Variants in CCDC40 observed in about 807,000 individuals in gnomAD.
CCDC40 encodes coiled-coil domain 40 molecular ruler complex subunit, also known as coiled-coil domain-containing protein 40.
CCDC40 carries 104 observed loss-of-function variants against 124.5 expected under a neutral mutation model. That is an observed-to-expected ratio of 0.84 (90% CI 0.71 to 0.98). The LOEUF (loss-of-function observed/expected upper bound fraction) is 0.98. Among genes scored for constraint, CCDC40 ranks in the 50% least tolerant of loss-of-function variants. The pLI, the probability that CCDC40 is intolerant of heterozygous loss-of-function variation, is 0.00. For missense variants in CCDC40, 1,463 were observed against 1,503.9 expected (o/e 0.97, Z 0.45); for synonymous variants, 580 against 602.9 (o/e 0.96, Z 0.56).
intron 9 of CCDC40, among the ~76,000 whole-genome samples, chr17:80,061,804 A>T: frequency 6.6e-6 from 1 of 152,014 alleles, no homozygotes; most frequent in Middle Eastern, 3.2e-3. Flanking sequence ...ATTGGCCTTT[A>T]TCTTTATCAA....
At chr17:80,051,182 A>G (rs1410706452) in intron 7 of CCDC40, 1 of 203,312 alleles carries the variant, frequency 4.9e-6, no homozygotes, top group African/African-American at 2.4e-5. Flanking sequence ...TCAACTGTGT[A>G]TTACTCTTAT....
Position 80,058,952 on chromosome 17 carries a change from C to T in CCDC40, c.1412C>T (p.Thr471Ile), listed in dbSNP as rs1274185511. 2.5e-6 allele frequency: 4 copies of T among 1,614,090 alleles called. No individual in the cohort carries two copies. In the East Asian group the frequency reaches 6.7e-5, roughly 27 times the overall value. ...CAGTACTTGGCCCAAGCTGAGGACA[C>T]CCGGATTTTAAGGAAAGCAGTGAGT... ...EAQYLAQAED[T>I]RILRKAVSEA... is the part of the protein sequence containing the mutation. Residue 471 changes from threonine (T) to isoleucine (I), a missense_variant, in exon 9 of 20, where the codon ACC becomes ATC. Coordinates refer to ENST00000397545, the MANE Select transcript of CCDC40 (RefSeq NM_017950.4). This position sits in a 1 kb window ranked among gnomAD's most constrained non-coding sequence, Gnocchi z 4.2.
chr17:80,074,459 T>C (rs545289598), intron 10 of CCDC40, among the ~76,000 whole-genome samples: 2 of 152,284 alleles, frequency 1.3e-5, no homozygotes, highest in South Asian at 4.1e-4. Context: ...CACTCCAGCC[T>C]GGGCAACAGA....
intron 18 of CCDC40, among the ~76,000 whole-genome samples, chr17:80,096,288 G>A (rs1419298900): frequency 6.6e-6 from 1 of 152,212 alleles, no homozygotes; most frequent in Non-Finnish European, 1.5e-5. Flanking sequence ...TTACTGACCT[G>A]TGAAATGGGT....
chr17:80,045,965 C>T (rs2037411304), intron 3 of CCDC40, among the ~76,000 whole-genome samples: 1 of 152,098 alleles, frequency 6.6e-6, no homozygotes, highest in South Asian at 2.1e-4. Context: ...ATTATGTAAT[C>T]CTCCTCATTT....
At position 80,099,684 on chromosome 17, in the gene CCDC40, G is replaced by T. The variant is rs368814379; in HGVS notation, c.3338G>T (p.Arg1113Leu). Residue 1113 changes from arginine to leucine, a missense_variant, in exon 20 of 20, where the codon CGC becomes CTC. Physicochemically the swap from Arg to Leu is moderately radical, Grantham distance 102. Coordinates refer to ENST00000397545, the MANE Select transcript of CCDC40 (RefSeq NM_017950.4). ...RLALIATILDRVRDEYPQFQE... is the reference protein window; with the variant it reads ...RLALIATILDLVRDEYPQFQE... Reference sequence around the variant, plus strand: ...GCTCTCATCGCCACCATCCTGGACCGCGTGCGGGACGAGTACCCCCAGTTC... The same window carrying T: ...GCTCTCATCGCCACCATCCTGGACCTCGTGCGGGACGAGTACCCCCAGTTC... 6.8e-6 allele frequency: 11 copies of T among 1,613,766 alleles called. No individual in the cohort carries two copies. Among genetic ancestry groups the T allele is most frequent in the African/African-American group, 1.3e-5 (1 of 74,922 alleles).
Position 80,087,490 on chromosome 17 carries a change from G to T in CCDC40, c.2450-117G>T. The T allele has an allele frequency of 1.3e-6, 1 of 768,972 alleles. No individual in the cohort carries two copies. Among genetic ancestry groups the T allele is most frequent in the South Asian group, 1.5e-5 (1 of 68,548 alleles). The allele number at this position is 768,972 out of a possible 1,614,324, so 47.6% of individuals were successfully genotyped here. Reference sequence around the variant, plus strand: ...GCGCCAGGAACGACAAGAGGGAGGGGATGAAGGGAGCTACAGGGAGAGACA... The same window carrying T: ...GCGCCAGGAACGACAAGAGGGAGGGTATGAAGGGAGCTACAGGGAGAGACA... On this transcript the variant is annotated intron_variant, in intron 14 of 19. Transcript: ENST00000397545. This position sits in a 1 kb window ranked among gnomAD's most constrained non-coding sequence, Gnocchi z 4.5.
At chr17:80,071,337 T>G (rs2143703907) in intron 10 of CCDC40, among the ~76,000 whole-genome samples, 1 of 152,270 alleles carries the variant, frequency 6.6e-6, no homozygotes. Context: ...CCACACGGCC[T>G]CACAGCCTCC....
intron 19 of CCDC40, 165 bp downstream of exon 19, chr17:80,097,568 G>A: frequency 1.5e-6 from 1 of 673,552 alleles, no homozygotes; most frequent in Admixed American, 2.7e-5. Context: ...CATGTTTGTG[G>A]CTTTGTGATT....
intron 10 of CCDC40, among the ~76,000 whole-genome samples, chr17:80,080,479 C>T (rs1175370297): frequency 6.6e-6 from 1 of 152,184 alleles, no homozygotes; most frequent in Non-Finnish European, 1.5e-5. Flanking sequence ...GGTATCTCAT[C>T]GCAGCATGCC....
intron 19 of CCDC40, chr17:80,097,814 C>T (rs555589523): frequency 2.2e-5 from 5 of 227,612 alleles, no homozygotes; most frequent in East Asian, 2.2e-4. Flanking sequence ...GTGGGAGGAT[C>T]GCTTGAGCCT....
At chr17:80,044,704 A>ATATATATATAT (rs1485851817) in intron 3 of CCDC40, among the ~76,000 whole-genome samples, 456 of 36,500 alleles carry the variant, frequency 0.012, 4 homozygotes, top group African/African-American at 0.019. Flanking sequence ...AAAACAAACA[A>ATATATATATAT]ACAAAAAAAA....
chr17:80,089,508 TTC>T (rs71163917), intron 16 of CCDC40: 94 of 387,978 alleles, frequency 2.4e-4, no homozygotes, highest in Admixed American at 5.1e-4. Flanking sequence ...TATATCCCTG[TTC>T]TCTCTCTCTC....
intron 3 of CCDC40, among the ~76,000 whole-genome samples, chr17:80,044,709 A>AAC (rs1555890587): frequency 1.8e-5 from 1 of 55,668 alleles, no homozygotes; most frequent in East Asian, 3.1e-4. Context: ...AAACAAACAA[A>AAC]AAAAAAAATA....
At position 80,058,381 on chromosome 17, in the gene CCDC40, G is replaced by A. The variant is rs768865814; in HGVS notation, c.1160-113G>A. 8.3e-5 allele frequency: 76 copies of A among 913,156 alleles called. No individual in the cohort carries two copies. Among genetic ancestry groups the A allele is most frequent in the Non-Finnish European group, 1.2e-4 (68 of 573,710 alleles). The allele number at this position is 913,156 out of a possible 1,614,324, so 56.6% of individuals were successfully genotyped here. On this transcript the variant is annotated intron_variant, in intron 7 of 19. Coordinates refer to ENST00000397545, the MANE Select transcript of CCDC40 (RefSeq NM_017950.4). This position sits in a 1 kb window ranked among gnomAD's most constrained non-coding sequence, Gnocchi z 4.2. ...TCCCAGTCTTACCCAAAAATGGCAG[G>A]AAGGGTGCCCAGAACGGCTGTTCCC...
At chr17:80,059,117 G>C (rs574155209) in intron 9 of CCDC40, 137 bp downstream of exon 9, 3 of 1,106,086 alleles carry the variant, frequency 2.7e-6, no homozygotes, top group Non-Finnish European at 4.1e-6. Context: ...TGCAAACATC[G>C]GGCCCTCCCC....
At chr17:80,037,212 T>C (rs2037098257) in intron 1 of CCDC40, among the ~76,000 whole-genome samples, 1 of 152,166 alleles carries the variant, frequency 6.6e-6, no homozygotes, top group South Asian at 2.1e-4. Context: ...TCCCTGCGGT[T>C]AGGCGGCCCG....
chr17:80,081,632 A>C lies in CCDC40; in HGVS notation c.1649A>C (p.Lys550Thr), dbSNP rs561596077. Residue 550 changes from lysine (K) to threonine (T), a missense_variant, in exon 11 of 20, where the codon AAG becomes ACG. By Grantham distance (78) the Lys-to-Thr change is moderately conservative. Transcript: ENST00000397545. ...ATGAAGGAGGAAGAAAAGAACGAGA[A>C]GCTGGCGAGCATCCTGAACCGGACA... Reference protein sequence around the residue: ...SIMKEEEKNEKLASILNRTET... With the variant: ...SIMKEEEKNETLASILNRTET... 1 of 1,614,196 alleles carries C rather than the reference A, an allele frequency of 6.2e-7. No homozygotes were observed. Among genetic ancestry groups the C allele is most frequent in the South Asian group, 1.1e-5 (1 of 91,092 alleles).
intron 7 of CCDC40, among the ~76,000 whole-genome samples, chr17:80,053,073 T>G (rs2037645841): frequency 6.6e-6 from 1 of 152,164 alleles, no homozygotes; most frequent in South Asian, 2.1e-4. Context: ...GACGACAGAT[T>G]AGGGAAATCG....
Sources: gnomAD v4.1 joint callset for allele counts (sites outside exome capture counted in the v4.1 genomes callset) on GRCh38, gnomAD v4.1.1 for gene constraint, Gnocchi (gnomAD v3.1) non-coding constraint, MANE v1.5 for transcripts, NCBI Gene and HGNC (gene_info 2026-07-23, HGNC 2026-07-21) for gene names.